The following SERPINB4 variants were observed in gnomAD, a reference collection of about 807,000 sequenced individuals.
The protein encoded by SERPINB4 is serpin family B member 4, also known as serpin B4.
In SERPINB4, 39 loss-of-function variants were observed where a neutral mutation model predicts 33.2. The ratio of observed to expected loss-of-function variants is 1.18; its 90% CI spans 0.91 to 1.53. SERPINB4 has a LOEUF of 1.53. Among genes scored for constraint, SERPINB4 ranks in the 40% most tolerant of loss-of-function variants. The pLI is 0.00. For synonymous variants in SERPINB4, 191 were observed against 166.4 expected (o/e 1.15, Z -1.14); for missense variants, 564 against 455.4 (o/e 1.24, Z -2.17).
chr18:63,642,634 A>G (rs1436157728), intron 3 of SERPINB4, among the ~76,000 whole-genome samples: 2 of 152,108 alleles, frequency 1.3e-5, no homozygotes, highest in Admixed American at 1.3e-4. Context: ...TCATTTTCCA[A>G]AATATACTTG....
chr18:63,639,705 A>C lies in SERPINB4; in HGVS notation c.541T>G (p.Tyr181Asp). 6.2e-7 allele frequency: 1 copy of C among 1,612,244 alleles called. No homozygotes were observed. The highest frequency in any genetic ancestry group is 1.1e-5 in the South Asian group (1 of 91,016). Residue 181 changes from tyrosine (Y) to aspartate (D), a missense_variant, in exon 6 of 8, where the codon TAT (tyrosine) becomes GAT (aspartate). Physicochemically the swap from Tyr to Asp is radical, Grantham distance 160. Coordinates refer to ENST00000341074, the MANE Select transcript of SERPINB4 (RefSeq NM_002974.4). Reference protein sequence around the residue: ...DTTLVLVNAIYFKGQWENKFK... With the variant: ...DTTLVLVNAIDFKGQWENKFK... ...TTATTCTCCCACTGCCCTTTGAAAT[A>C]GATTGCGTTCACAAGAACCAGTGTC...
chr18:63,638,304 T>G (rs1913007259), intron 7 of SERPINB4, among the ~76,000 whole-genome samples, 181 bp from the exon 8 acceptor site: 1 of 152,054 alleles, frequency 6.6e-6, no homozygotes, highest in Non-Finnish European at 1.5e-5. Flanking sequence ...ATAAATACAT[T>G]GGGTTATATG....
chr18:63,641,191 T>G (rs1013863439), intron 4 of SERPINB4, among the ~76,000 whole-genome samples, 200 bp from the exon 5 acceptor site: 1 of 152,074 alleles, frequency 6.6e-6, no homozygotes, highest in Non-Finnish European at 1.5e-5. Context: ...AAGAGGTCAC[T>G]GAAGGTCAAT....
chr18:63,639,280 C>T lies in SERPINB4; in HGVS notation c.673G>A (p.Glu225Lys), dbSNP rs867063990. Residue 225 changes from glutamate (E) to lysine (K), a missense_variant, in exon 7 of 8, where the codon GAG becomes AAG. Coordinates refer to ENST00000341074, the MANE Select transcript of SERPINB4 (RefSeq NM_002974.4). ...TCCAGGACCTTGGCCTGTACATCCTCCAGCAAGGCAAAATTAAAGGAATTG... is the reference window on the plus strand; with the variant it reads ...TCCAGGACCTTGGCCTGTACATCCTTCAGCAAGGCAAAATTAAAGGAATTG... ...QYNSFNFALLEDVQAKVLEIP... is the reference protein window; with the variant it reads ...QYNSFNFALLKDVQAKVLEIP... 4.3e-6 allele frequency: 7 copies of T among 1,612,488 alleles called. No individual in the cohort carries two copies. The highest frequency in any genetic ancestry group is 1.3e-5 in the African/African-American group (1 of 74,840).
rs1330799578 is a variant in SERPINB4 at position 63,637,710 on chromosome 18, T to G, written c.*9A>C. The G allele has an allele frequency of 6.3e-7, 1 of 1,587,618 alleles. No homozygotes were observed. Among genetic ancestry groups the G allele is most frequent in the Non-Finnish European group, 8.6e-7 (1 of 1,166,572 alleles). ...ACATTTTCTAAATGGAGTGACAGAC[T>G]AATTGCATCTATGGGGATGAGAATC... is the stretch of plus-strand genomic sequence containing the variant. On this transcript the variant is annotated 3_prime_UTR_variant, in exon 8 of 8. Transcript: ENST00000341074.
chr18:63,642,691 T>C (rs1176193904), intron 3 of SERPINB4, among the ~76,000 whole-genome samples: 1 of 152,148 alleles, frequency 6.6e-6, no homozygotes, highest in Admixed American at 6.6e-5. Context: ...CAATGAAAAT[T>C]AAATTATTTT....
chr18:63,639,442 C>T (rs565672501), intron 6 of SERPINB4, 102 bp from the exon 7 acceptor site: 2 of 1,225,166 alleles, frequency 1.6e-6, no homozygotes, highest in African/African-American at 1.5e-5. Flanking sequence ...TAAGAAATAA[C>T]CCAGGAATTC....
In SERPINB4 at chr18:63,639,318, A is replaced by G; in HGVS notation, c.635T>C (p.Met212Thr). 6.2e-7 allele frequency: 1 copy of G among 1,611,784 alleles called. No individual in the cohort carries two copies. The highest frequency in any genetic ancestry group is 8.5e-7 in the Non-Finnish European group (1 of 1,178,614). Residue 212 changes from methionine to threonine, a missense_variant, in exon 7 of 8, where the codon ATG (methionine) becomes ACG (threonine). By Grantham distance (81) the Met-to-Thr change is moderately conservative. Coordinates refer to ENST00000341074, the MANE Select transcript of SERPINB4 (RefSeq NM_002974.4). ...PNKNTYKSVQMMRQYNSFNFA... is the reference protein window; with the variant it reads ...PNKNTYKSVQTMRQYNSFNFA... ...ATTAAAGGAATTGTATTGCCTCATCATCTGTACAGATTTGTATGTATTCTG... is the reference window on the plus strand; with the variant it reads ...ATTAAAGGAATTGTATTGCCTCATCGTCTGTACAGATTTGTATGTATTCTG...
In SERPINB4 at chr18:63,638,106, A is replaced by G; in HGVS notation, c.786T>C (p.Thr262=). The G allele has an allele frequency of 6.2e-7, 1 of 1,613,086 alleles. No individual in the cohort carries two copies. The highest frequency in any genetic ancestry group is 1.3e-5 in the African/African-American group (1 of 74,970). ...TTGTCCATTCCATCAATTTCTCAGCAGTGAGTTTCTCTTCAAGCTATACAA... is the reference window on the plus strand; with the variant it reads ...TTGTCCATTCCATCAATTTCTCAGCGGTGAGTTTCTCTTCAAGCTATACAA... The part of the protein sequence containing the change: ...DGLQKLEEKL[T]AEKLMEWTSL... Residue 262 remains threonine, a synonymous_variant, in exon 8 of 8, where the codon ACT becomes ACC. Coordinates refer to ENST00000341074, the MANE Select transcript of SERPINB4 (RefSeq NM_002974.4).
rs1477996011 is a variant in SERPINB4, at chr18:63,637,763, T to C, written c.1129A>G (p.Lys377Glu). The change falls in exon 8 of 8, where the codon AAG (lysine) becomes GAG (glutamate). Residue 377 changes from lysine to glutamate, a missense_variant. By Grantham distance (56) the Lys-to-Glu change is moderately conservative. Coordinates refer to ENST00000341074, the MANE Select transcript of SERPINB4 (RefSeq NM_002974.4). ...CCATAGAAGAGGATGCTGTTGGTCTTATTTTGCCTTATGAAGAATAGGAAA... is the reference window on the plus strand; with the variant it reads ...CCATAGAAGAGGATGCTGTTGGTCTCATTTTGCCTTATGAAGAATAGGAAA... ...HPFLFFIRQN[K>E]TNSILFYGRF... 1.2e-6 allele frequency: 2 copies of C among 1,612,980 alleles called. No homozygotes were observed. The highest frequency in any genetic ancestry group is 1.7e-6 in the Non-Finnish European group (2 of 1,179,460).
chr18:63,641,490 G>C (rs1159173326), intron 4 of SERPINB4, among the ~76,000 whole-genome samples: 1 of 151,926 alleles, frequency 6.6e-6, no homozygotes, highest in South Asian at 2.1e-4. Flanking sequence ...TTTATCGATG[G>C]TATCTTATTA....
chr18:63,643,029 C>G, intron 3 of SERPINB4, 132 bp downstream of exon 3: 1 of 1,072,562 alleles, frequency 9.3e-7, no homozygotes, highest in Admixed American at 2.3e-5. Context: ...TGCCAACCCA[C>G]TCTGTATGTC....
At chr18:63,638,239 G>C in intron 7 of SERPINB4, 116 bp from the exon 8 acceptor site, 1 of 1,190,874 alleles carries the variant, frequency 8.4e-7, no homozygotes, top group African/African-American at 1.5e-5. Context: ...AAATACAGAA[G>C]GTTCACTTTA....
chr18:63,643,039 C>G (rs149717345), intron 3 of SERPINB4, 122 bp downstream of exon 3: 35 of 1,207,498 alleles, frequency 2.9e-5, no homozygotes, highest in Non-Finnish European at 4.1e-5. Flanking sequence ...CTCTGTATGT[C>G]TCAATCTTTG....
chr18:63,640,521 G>A, intron 5 of SERPINB4, among the ~76,000 whole-genome samples: 1 of 151,946 alleles, frequency 6.6e-6, no homozygotes, highest in East Asian at 1.9e-4. Flanking sequence ...GCTTTCTAAT[G>A]TTTTCTATTA....
intron 5 of SERPINB4, among the ~76,000 whole-genome samples, chr18:63,640,347 T>C (rs1364919347): frequency 6.6e-6 from 1 of 152,032 alleles, no homozygotes; most frequent in Non-Finnish European, 1.5e-5. Flanking sequence ...GTCTGTAGAA[T>C]GGAGACTTTG....
chr18:63,643,278 G>T lies in SERPINB4; in HGVS notation c.166-61C>A, dbSNP rs148483387. The T allele has an allele frequency of 1.9e-4, 311 of 1,612,142 alleles. No homozygotes were observed. The Middle Eastern group carries it at 4.8e-3, about 25-fold the overall frequency. ...CTCAAAAGATCTGTTTAAGTCAGTG[G>T]TCTCACAGTTATGGGAATTCCTGCA... On this transcript the variant is annotated intron_variant, in intron 2 of 7. Coordinates refer to ENST00000341074, the MANE Select transcript of SERPINB4 (RefSeq NM_002974.4).
chr18:63,640,807 G>C, intron 5 of SERPINB4, 67 bp downstream of exon 5: 1 of 1,348,200 alleles, frequency 7.4e-7, no homozygotes, highest in Non-Finnish European at 1.1e-6. Flanking sequence ...CCCCCATGCA[G>C]TGTCAAGCAC....
Position 63,637,376 on chromosome 18 carries a change from AT to A in SERPINB4, c.*342del, listed in dbSNP as rs1378734357. The A allele has an allele frequency of 5.4e-6, 1 of 185,728 alleles. No individual in the cohort carries two copies. The highest frequency in any genetic ancestry group is 1.3e-4 in the East Asian group (1 of 7,598). 11.5% of individuals were successfully genotyped at this position (185,728 alleles called of 1,614,324 possible). A position where few individuals can be genotyped will look rare whatever the true frequency, so the allele number is the denominator to read the frequency against. ...GAAATGTGTGTTTCTAGGTTGCTAA[AT>A]TTGAAGAGAAAGTATGATTTGGTTT... is the stretch of plus-strand genomic sequence containing the variant. On this transcript the variant is annotated 3_prime_UTR_variant, in exon 8 of 8. Transcript: ENST00000341074.
Sources: gnomAD v4.1 joint callset for allele counts (sites outside exome capture counted in the v4.1 genomes callset) on GRCh38, gnomAD v4.1.1 for gene constraint, MANE v1.5 for transcripts, NCBI Gene and HGNC (gene_info 2026-07-23, HGNC 2026-07-21) for gene names.